Variants in DLGAP1 observed in about 807,000 individuals in gnomAD.
The protein encoded by DLGAP1 is disks large-associated protein 1.
A neutral mutation model predicts 90.8 loss-of-function variants in DLGAP1; 11 were observed. The observed-to-expected ratio is 0.12, with a 90% CI of 0.08 to 0.20. DLGAP1 has a LOEUF of 0.20. Among genes scored for constraint, DLGAP1 ranks in the 10% least tolerant of loss-of-function variants. DLGAP1 has a pLI of 1.00. For synonymous variants in DLGAP1, 558 were observed against 540.7 expected, an observed-to-expected ratio of 1.03 and a Z score of -0.44; for missense variants, 1,050 against 1,333.8, an observed-to-expected ratio of 0.79 and a Z score of 3.31.
rs879609832 is a variant in DLGAP1, at chr18:3,727,342, C to T, written c.1591+1793G>A. Among the ~76,000 whole-genome samples, 4 of 152,078 alleles carry T rather than the reference C, an allele frequency of 2.6e-5. No homozygotes were observed. The highest frequency in any genetic ancestry group is 2.1e-4 in the South Asian group (1 of 4,820). On this transcript the variant is annotated intron_variant, in intron 7 of 12. Transcript: ENST00000315677. The surrounding 1 kb of genome is among the most constrained non-coding windows in gnomAD (Gnocchi z 4.7). ...AAGTGTAAGTAAAATGACAAAAACA[C>T]GCAAATCTGACAGGTGAGAAGAGAA...
Position 4,200,673 on chromosome 18 carries a change from A to G in DLGAP1, c.-266-49386T>C, listed in dbSNP as rs1194951275. On this transcript the variant is annotated intron_variant, in intron 1 of 12. Transcript: ENST00000315677. ...GCCAGAACTTTCAAAACAATGTTAAATAATTAGGGTGATACTAAGCACCAT... is the reference window on the plus strand; with the variant it reads ...GCCAGAACTTTCAAAACAATGTTAAGTAATTAGGGTGATACTAAGCACCAT... 2.0e-5 allele frequency among the ~76,000 whole-genome samples: 3 copies of G among 152,060 alleles called. No homozygotes were observed. In the East Asian group the frequency reaches 5.8e-4, roughly 29 times the overall value.
intron 1 of DLGAP1, among the ~76,000 whole-genome samples, chr18:4,171,496 C>T (rs1476862790): frequency 6.7e-6 from 1 of 150,270 alleles, no homozygotes; most frequent in Non-Finnish European, 1.5e-5. Context: ...ACTCGGAAGG[C>T]GAAGCTTGCA....
chr18:3,983,545 A>G (rs2073781175), intron 3 of DLGAP1: 1 of 152,228 alleles, frequency 6.6e-6, no homozygotes, highest in African/African-American at 2.4e-5. Context: ...TACCACCGCT[A>G]CTTGAGACAT....
intron 5 of DLGAP1, among the ~76,000 whole-genome samples, chr18:3,745,486 C>T (rs776413637): frequency 6.6e-6 from 1 of 152,002 alleles, no homozygotes; most frequent in African/African-American, 2.4e-5. Flanking sequence ...TGCAATGTTG[C>T]TATAATCTAA....
chr18:3,722,693 G>A (rs541770437), intron 7 of DLGAP1: 1 of 152,148 alleles, frequency 6.6e-6, no homozygotes, highest in Non-Finnish European at 1.5e-5. Context: ...TGTTCAGAAA[G>A]CTTCTGATTG....
intron 1 of DLGAP1, among the ~76,000 whole-genome samples, chr18:4,353,577 A>C (rs2081443666): frequency 6.6e-6 from 1 of 152,242 alleles, no homozygotes; most frequent in African/African-American, 2.4e-5. Flanking sequence ...CTTTTTTATA[A>C]TGAGCAAATT....
intron 2 of DLGAP1, among the ~76,000 whole-genome samples, chr18:4,005,716 C>A (rs1261760364): frequency 2.0e-5 from 3 of 152,182 alleles, no homozygotes; most frequent in African/African-American, 7.2e-5. Flanking sequence ...TAGGAGCCTT[C>A]TCCATCACAC....
chr18:3,556,500 T>C (rs980430114), intron 9 of DLGAP1, among the ~76,000 whole-genome samples: 1 of 152,244 alleles, frequency 6.6e-6, no homozygotes, highest in African/African-American at 2.4e-5. Flanking sequence ...ATAGTTGGAA[T>C]CATACAGTAT....
At chr18:3,520,172 C>T (rs985897562) in intron 10 of DLGAP1, among the ~76,000 whole-genome samples, 1 of 152,164 alleles carries the variant, frequency 6.6e-6, no homozygotes, top group Non-Finnish European at 1.5e-5. Flanking sequence ...TTTCTGCCCC[C>T]ACCCTAGTGT....
intron 1 of DLGAP1, among the ~76,000 whole-genome samples, chr18:4,433,071 A>C (rs1464477146): frequency 4.6e-5 from 7 of 152,080 alleles, no homozygotes; most frequent in African/African-American, 1.7e-4. Flanking sequence ...CCAGCTGGAG[A>C]TTTTTTTCCC....
chr18:3,676,302 C>T (rs1375746056), intron 7 of DLGAP1, among the ~76,000 whole-genome samples: 1 of 152,216 alleles, frequency 6.6e-6, no homozygotes, highest in Non-Finnish European at 1.5e-5. Context: ...AATCTGTGAG[C>T]ATTATGTAAA....
intron 7 of DLGAP1, among the ~76,000 whole-genome samples, chr18:3,589,252 A>G (rs1407039733): frequency 6.6e-6 from 1 of 152,196 alleles, no homozygotes; most frequent in African/African-American, 2.4e-5. Flanking sequence ...GCCAGAGATT[A>G]TTTTATTCTG....
chr18:3,873,535 T>C (rs531714758), intron 4 of DLGAP1, among the ~76,000 whole-genome samples: 10 of 152,234 alleles, frequency 6.6e-5, no homozygotes, highest in Admixed American at 1.3e-4. Context: ...CTTTCATAAA[T>C]TGCATGTAAA....
chr18:3,696,252 A>G (rs2061087624), intron 7 of DLGAP1, among the ~76,000 whole-genome samples: 1 of 152,194 alleles, frequency 6.6e-6, no homozygotes, highest in Non-Finnish European at 1.5e-5. Context: ...GAGTGGTGAG[A>G]GAGGGCATCC....
At chr18:3,937,069 C>A (rs1486208256) in intron 3 of DLGAP1, among the ~76,000 whole-genome samples, 1 of 152,200 alleles carries the variant, frequency 6.6e-6, no homozygotes, top group African/African-American at 2.4e-5. Context: ...GAAACATGGG[C>A]ACGCCCTGGA....
At chr18:4,023,407 T>G (rs908506490) in intron 2 of DLGAP1, among the ~76,000 whole-genome samples, 1 of 152,256 alleles carries the variant, frequency 6.6e-6, no homozygotes, top group Admixed American at 6.5e-5. Context: ...TGACTTTGAC[T>G]TTCAAGAAAC....
chr18:3,938,905 G>T (rs927142788), intron 3 of DLGAP1, among the ~76,000 whole-genome samples: 1 of 152,148 alleles, frequency 6.6e-6, no homozygotes, highest in African/African-American at 2.4e-5. Context: ...GGAGGTGATT[G>T]GGCTTGAACT....
chr18:3,842,297 TC>T (rs1184705411), intron 4 of DLGAP1, among the ~76,000 whole-genome samples: 6 of 151,920 alleles, frequency 3.9e-5, no homozygotes, highest in Non-Finnish European at 7.4e-5. Context: ...AGGAAAAAGG[TC>T]CCCAGCTACA....
intron 7 of DLGAP1, among the ~76,000 whole-genome samples, chr18:3,612,886 G>A (rs1041518090): frequency 2.0e-5 from 3 of 151,740 alleles, no homozygotes; most frequent in Non-Finnish European, 4.4e-5. Context: ...TTGTCACCCA[G>A]GCTGGAGTAC....
Sources: allele counts gnomAD v4.1 joint callset (sites outside exome capture counted in the v4.1 genomes callset), GRCh38; gene constraint gnomAD v4.1.1; non-coding constraint Gnocchi (gnomAD v3.1); transcripts MANE v1.5; gene names NCBI Gene and HGNC (gene_info 2026-07-23, HGNC 2026-07-21).